SDK1: variants seen among roughly 807,000 people sequenced by gnomAD.
The protein encoded by SDK1 is protein sidekick-1.
SDK1 carries 157 observed loss-of-function variants against 245.5 expected under a neutral mutation model. That is an observed-to-expected ratio of 0.64 (90% CI 0.56 to 0.73). The LOEUF is 0.73. Ranked by LOEUF, SDK1 falls within the 30% of genes least tolerant of loss-of-function variation. The pLI, the probability that SDK1 is intolerant of heterozygous loss-of-function variation, is 0.00. For missense variants in SDK1, 3,583 were observed against 3,002.3 expected, an observed-to-expected ratio of 1.19 and a Z score of -4.52; for synonymous variants, 1,647 against 1,278.5, an observed-to-expected ratio of 1.29 and a Z score of -6.15.
chr7:3,558,820 G>A (rs533069901), intron 1 of SDK1, among the ~76,000 whole-genome samples: 28 of 152,240 alleles, frequency 1.8e-4, no homozygotes, highest in African/African-American at 6.5e-4. Context: ...GTCTATATTA[G>A]AGACTGTCAA....
At chr7:3,752,757 G>C (rs1455425274) in intron 4 of SDK1, among the ~76,000 whole-genome samples, 1 of 151,982 alleles carries the variant, frequency 6.6e-6, no homozygotes, top group Non-Finnish European at 1.5e-5. Flanking sequence ...ATCTTCAAAG[G>C]CAAGAGCCTT....
intron 1 of SDK1, among the ~76,000 whole-genome samples, chr7:3,567,763 A>G (rs557824130): frequency 3.9e-5 from 6 of 152,212 alleles, no homozygotes; most frequent in African/African-American, 1.4e-4. Flanking sequence ...TGGCTGCATA[A>G]CATTCTACAT....
intron 14 of SDK1, among the ~76,000 whole-genome samples, chr7:3,998,027 G>A (rs1784808849): frequency 6.6e-6 from 1 of 152,234 alleles, no homozygotes; most frequent in Non-Finnish European, 1.5e-5. Context: ...GGTTTTGGCA[G>A]CTGCAGCTGT....
chr7:3,349,753 C>G (rs1298208382), intron 1 of SDK1, among the ~76,000 whole-genome samples: 1 of 142,572 alleles, frequency 7.0e-6, no homozygotes, highest in East Asian at 2.1e-4. Flanking sequence ...GCACCTGCCA[C>G]CACGCCTGGT....
intron 1 of SDK1, among the ~76,000 whole-genome samples, chr7:3,476,536 TG>T (rs1781352645): frequency 6.6e-6 from 1 of 152,240 alleles, no homozygotes; most frequent in South Asian, 2.1e-4. Context: ...CCAAAAAGTT[TG>T]GGGTCATATA....
At chr7:4,020,402 A>G (rs1241865246) in intron 17 of SDK1, among the ~76,000 whole-genome samples, 4 of 152,132 alleles carry the variant, frequency 2.6e-5, no homozygotes, top group African/African-American at 9.7e-5. Flanking sequence ...CGCTGAACAG[A>G]ATGAAGCGAG....
rs575595380 is a variant in SDK1 at position 4,255,758 on chromosome 7, G to C, written c.6382-9366G>C. On this transcript the variant is annotated intron_variant, in intron 44 of 44. Transcript: ENST00000404826. Reference sequence around the variant, plus strand: ...CCTTGTTGCCACATCTGCCCAGGGTGGAATTTCTGTCACACTGAGCTGGGG... The same window carrying C: ...CCTTGTTGCCACATCTGCCCAGGGTCGAATTTCTGTCACACTGAGCTGGGG... Among the ~76,000 whole-genome samples the C allele has an allele frequency of 2.4e-3, 365 of 152,176 alleles. 2 individuals carry two copies. Among genetic ancestry groups the C allele is most frequent in the Non-Finnish European group, 1.0e-3 (70 of 68,002 alleles).
intron 1 of SDK1, among the ~76,000 whole-genome samples, chr7:3,408,771 CCTG>C (rs1419595577): frequency 6.6e-6 from 1 of 152,150 alleles, no homozygotes; most frequent in Non-Finnish European, 1.5e-5. Context: ...AGTTTGGAAT[CCTG>C]CTGTTGGAAC....
At chr7:3,557,832 G>C (rs1269268538) in intron 1 of SDK1, among the ~76,000 whole-genome samples, 2 of 152,088 alleles carry the variant, frequency 1.3e-5, no homozygotes, top group African/African-American at 4.8e-5. Flanking sequence ...CAGAGACCTT[G>C]TTCTCATTCA....
At chr7:3,582,195 T>C (rs569807591) in intron 1 of SDK1, among the ~76,000 whole-genome samples, 161 of 148,284 alleles carry the variant, frequency 1.1e-3, no homozygotes, top group Middle Eastern at 7.5e-3. Flanking sequence ...CTCAGGTAGG[T>C]CTGTCTCAGG....
At chr7:3,805,800 C>A (rs1013503137) in intron 4 of SDK1, among the ~76,000 whole-genome samples, 3 of 152,112 alleles carry the variant, frequency 2.0e-5, no homozygotes, top group African/African-American at 7.2e-5. Context: ...GAAATATTGT[C>A]AAGGCAATTC....
intron 1 of SDK1, among the ~76,000 whole-genome samples, chr7:3,347,916 A>C (rs59021191): frequency 6.6e-6 from 1 of 151,208 alleles, no homozygotes; most frequent in Non-Finnish European, 1.5e-5. Flanking sequence ...CCTTTTGTGT[A>C]GTAAGTCTCT....
intron 38 of SDK1, among the ~76,000 whole-genome samples, chr7:4,216,819 G>T (rs189258223): frequency 1.3e-5 from 2 of 152,146 alleles, no homozygotes; most frequent in Non-Finnish European, 2.9e-5. Flanking sequence ...GCATTTACCC[G>T]GTATGGGCAG....
chr7:4,076,420 G>A (rs538230403), intron 20 of SDK1, among the ~76,000 whole-genome samples: 5 of 152,260 alleles, frequency 3.3e-5, no homozygotes, highest in African/African-American at 1.2e-4. Flanking sequence ...GCCAGGCATG[G>A]TGGTTCACGC....
At chr7:3,737,023 A>G (rs1295020652) in intron 4 of SDK1, among the ~76,000 whole-genome samples, 3 of 152,168 alleles carry the variant, frequency 2.0e-5, no homozygotes, top group African/African-American at 7.2e-5. Flanking sequence ...ATCATACAGT[A>G]TTTGTCTCTG....
At chr7:4,123,952 C>T (rs973216352) in intron 25 of SDK1, among the ~76,000 whole-genome samples, 1 of 152,224 alleles carries the variant, frequency 6.6e-6, no homozygotes, top group African/African-American at 2.4e-5. Context: ...CAGGCCTTTG[C>T]TCTGCAGGTT....
intron 1 of SDK1, among the ~76,000 whole-genome samples, chr7:3,608,908 A>G (rs1248066348): frequency 1.3e-5 from 2 of 152,210 alleles, no homozygotes; most frequent in Non-Finnish European, 1.5e-5. Context: ...CCAGCCATGT[A>G]TCTGGGAGGC....
chr7:4,074,886 G>GTGTGTATATA (rs1401453083), intron 20 of SDK1, among the ~76,000 whole-genome samples: 1 of 48,108 alleles, frequency 2.1e-5, no homozygotes, highest in African/African-American at 1.6e-4. Context: ...CTCTCTCTCT[G>GTGTGTATATA]TATATATATA....
chr7:3,650,596 G>T (rs954355424), intron 4 of SDK1, among the ~76,000 whole-genome samples: 2 of 152,166 alleles, frequency 1.3e-5, no homozygotes, highest in Non-Finnish European at 2.9e-5. Flanking sequence ...GTTAAACTGT[G>T]TTACGGTATC....
Sources: allele counts gnomAD v4.1 joint callset (sites outside exome capture counted in the v4.1 genomes callset), GRCh38; gene constraint gnomAD v4.1.1; transcripts MANE v1.5; gene names NCBI Gene and HGNC (gene_info 2026-07-23, HGNC 2026-07-21).